ATP11C: variants seen among roughly 807,000 people sequenced by gnomAD.
ATP11C encodes ATPase phospholipid transporting 11C (ATP11C blood group), also known as phospholipid-transporting ATPase IG.
Under a neutral mutation model 97.4 loss-of-function variants are expected in ATP11C, and 36 were observed. The ratio of observed to expected loss-of-function variants is 0.37; its 90% CI spans 0.28 to 0.49. The LOEUF is 0.49. Among genes scored for constraint, ATP11C ranks in the 20% least tolerant of loss-of-function variants. ATP11C has a pLI of 0.98. For missense variants in ATP11C, 730 were observed against 824.6 expected, an observed-to-expected ratio of 0.89 and a Z score of 1.40; for synonymous variants, 275 against 290.9, an observed-to-expected ratio of 0.95 and a Z score of 0.56.
intron 1 of ATP11C, 116 bp downstream of exon 1, chrX:139,931,900 T>C: frequency 2.3e-6 from 2 of 870,260 alleles, no homozygotes; most frequent in Non-Finnish European, 3.1e-6. Context: ...AGAAGAGGGG[T>C]GGTGGTGTCT....
At chrX:139,811,617 G>A (rs2083178533) in intron 5 of ATP11C, among the ~76,000 whole-genome samples, 1 of 103,730 alleles carries the variant, frequency 9.6e-6, no homozygotes, top group Non-Finnish European at 2.0e-5. Flanking sequence ...ACTAAATCCT[G>A]ATTATTCTAC....
At chrX:139,817,294 T>G (rs1412912375) in intron 3 of ATP11C, among the ~76,000 whole-genome samples, 4 of 112,741 alleles carry the variant, frequency 3.5e-5, no homozygotes, top group African/African-American at 1.3e-4. Flanking sequence ...CCTGCCTTCA[T>G]GTAGCTGGCA....
At chrX:139,800,574 C>T (rs778400704) in intron 7 of ATP11C, among the ~76,000 whole-genome samples, 2 of 111,845 alleles carry the variant, frequency 1.8e-5, no homozygotes, top group Admixed American at 1.9e-4. Flanking sequence ...GGTCCCATCC[C>T]TGAGCTTCTG....
intron 1 of ATP11C, among the ~76,000 whole-genome samples, chrX:139,837,371 G>C (rs903829172): frequency 3.6e-5 from 4 of 111,821 alleles, no homozygotes; most frequent in African/African-American, 1.3e-4. Flanking sequence ...AGTAGTTGTA[G>C]GTTTCTTCAT....
At position 139,731,818 on chromosome X, in the gene ATP11C, T is replaced by C. The variant is rs1429735402; in HGVS notation, c.3289-63A>G. ...AATTGGTTAACCTACCTGGTGATTA[T>C]ATATTTAAAAAAAGGTAAAAGAAAA... On this transcript the variant is annotated intron_variant, in intron 28 of 29. Transcript: ENST00000682941. The C allele has an allele frequency of 1.2e-5, 9 of 737,563 alleles. No homozygotes were observed. The East Asian group carries it at 3.3e-4, about 27-fold the overall frequency. 60.8% of individuals were successfully genotyped at this position (737,563 alleles called of 1,213,427 possible).
At chrX:139,842,829 G>C in intron 1 of ATP11C, among the ~76,000 whole-genome samples, 1 of 111,931 alleles carries the variant, frequency 8.9e-6, no homozygotes, top group East Asian at 2.8e-4. Context: ...ACAATGACAA[G>C]AGAATTTTAT....
intron 2 of ATP11C, among the ~76,000 whole-genome samples, chrX:139,823,702 T>C (rs1477801694): frequency 8.9e-6 from 1 of 112,112 alleles, no homozygotes; most frequent in African/African-American, 3.2e-5. Context: ...AATAATAAAG[T>C]TAGCAGTCAA....
At chrX:139,933,683 AGCTGGGGACAGGGCCCAGCCACACCACAG>A (rs1376483579), upstream of ATP11C, among the ~76,000 whole-genome samples, 7 of 112,410 alleles carry the variant, frequency 6.2e-5, no homozygotes, top group Non-Finnish European at 1.3e-4. Context: ...GCCAGTTTAG[AGCTGGGGACAGGGCCCAGCCACACCACAG>A]GCCTTCCCAA....
intron 1 of ATP11C, among the ~76,000 whole-genome samples, chrX:139,914,999 G>A (rs753475333): frequency 1.8e-5 from 2 of 111,979 alleles, no homozygotes; most frequent in East Asian, 5.6e-4. Context: ...TTGCTGTTAT[G>A]ATGATTAAAA....
chrX:139,909,538 T>C (rs1197461970), intron 1 of ATP11C, among the ~76,000 whole-genome samples: 2 of 107,879 alleles, frequency 1.9e-5, no homozygotes, highest in Non-Finnish European at 3.9e-5. Context: ...ACTAAACACA[T>C]ACACACACAC....
At chrX:139,835,215 C>T (rs750419370) in intron 1 of ATP11C, among the ~76,000 whole-genome samples, 2 of 111,605 alleles carry the variant, frequency 1.8e-5, no homozygotes, top group African/African-American at 6.5e-5. Context: ...TGGCTATGAT[C>T]CCAGGTGGGT....
At chrX:139,803,824 G>A (rs1269090127) in intron 6 of ATP11C, among the ~76,000 whole-genome samples, 3 of 101,411 alleles carry the variant, frequency 3.0e-5, no homozygotes, top group Non-Finnish European at 5.9e-5. Flanking sequence ...TCAGCCTCCC[G>A]AGTAGCTGGA....
intron 1 of ATP11C, among the ~76,000 whole-genome samples, chrX:139,873,706 C>CA (rs58064711): frequency 0.066 from 1,100 of 16,605 alleles, 30 homozygotes; most frequent in Non-Finnish European, 0.079. Flanking sequence ...GACTCCAACT[C>CA]AAAAAAAAAA....
In ATP11C at chrX:139,786,088, G is replaced by T. The variant is rs776227279; in HGVS notation, c.1593-789C>A. Among the ~76,000 whole-genome samples, 4 of 111,474 alleles carry T rather than the reference G, an allele frequency of 3.6e-5. No individual in the cohort carries two copies. In the Admixed American group the frequency reaches 3.8e-4, roughly 11 times the overall value. The stretch of plus-strand genomic sequence containing the variant: ...CATTTCTGGAATTTGGGATTGTATT[G>T]TAAGAGCAAAAGAAAGCCAATAAAA... On this transcript the variant is annotated intron_variant, in intron 15 of 29. Coordinates refer to ENST00000682941, the MANE Select transcript of ATP11C (RefSeq NM_001353812.2).
At chrX:139,833,398 G>A (rs1268378041) in intron 1 of ATP11C, among the ~76,000 whole-genome samples, 1 of 111,643 alleles carries the variant, frequency 9.0e-6, no homozygotes, top group Non-Finnish European at 1.9e-5. Flanking sequence ...AAAGGGTTTC[G>A]GGGCGGGGGG....
At chrX:139,853,744 T>C (rs1470433402) in intron 1 of ATP11C, among the ~76,000 whole-genome samples, 2 of 102,889 alleles carry the variant, frequency 1.9e-5, no homozygotes, top group Non-Finnish European at 3.9e-5. Flanking sequence ...GTAGCAGCAA[T>C]GGCTTTGCTA....
intron 12 of ATP11C, among the ~76,000 whole-genome samples, chrX:139,789,856 C>T (rs1161045283): frequency 2.7e-5 from 3 of 109,850 alleles, no homozygotes; most frequent in African/African-American, 9.9e-5. Flanking sequence ...ATGGTGAAAC[C>T]CCGTCTCTAC....
At chrX:139,883,684 A>T (rs1346273701) in intron 1 of ATP11C, among the ~76,000 whole-genome samples, 1 of 111,430 alleles carries the variant, frequency 9.0e-6, no homozygotes, top group African/African-American at 3.3e-5. Flanking sequence ...CCCTAAAATG[A>T]TGTACAAAGT....
chrX:139,902,984 C>T (rs1471908586), intron 1 of ATP11C, among the ~76,000 whole-genome samples: 1 of 111,788 alleles, frequency 8.9e-6, no homozygotes, highest in East Asian at 2.8e-4. Context: ...TGTCTATAAG[C>T]TCAATAATCC....
Sources: gnomAD v4.1 joint callset for allele counts (sites outside exome capture counted in the v4.1 genomes callset) on GRCh38, gnomAD v4.1.1 for gene constraint, MANE v1.5 for transcripts, NCBI Gene and HGNC (gene_info 2026-07-23, HGNC 2026-07-21) for gene names.